The following RPGRIP1L variants were observed in gnomAD, a reference collection of about 807,000 sequenced individuals.
RPGRIP1L encodes the protein protein fantom.
A neutral mutation model predicts 160.4 loss-of-function variants in RPGRIP1L; 131 were observed. That is an observed-to-expected ratio of 0.82 (90% CI 0.71 to 0.94). RPGRIP1L has a LOEUF of 0.94. RPGRIP1L is among the 40% of genes least tolerant of loss of function. The pLI is 0.00. For synonymous variants in RPGRIP1L, 510 were observed against 515.8 expected (o/e 0.99, Z 0.15); for missense variants, 1,522 against 1,535.8 (o/e 0.99, Z 0.15).
chr16:53,605,955 G>A (rs1963656123), intron 25 of RPGRIP1L, among the ~76,000 whole-genome samples: 1 of 152,122 alleles, frequency 6.6e-6, no homozygotes, highest in South Asian at 2.1e-4. Context: ...AGGCTAAAAG[G>A]ATGAAGTGAA....
rs998210591 is a variant in RPGRIP1L, at chr16:53,601,848, T to C, written c.*228A>G. 1 of 516,678 alleles carries C rather than the reference T, an allele frequency of 1.9e-6. No individual in the cohort carries two copies. Among genetic ancestry groups the C allele is most frequent in the Admixed American group, 3.1e-5 (1 of 32,262 alleles). The allele number at this position is 516,678 out of a possible 1,614,324, so 32.0% of individuals were successfully genotyped here. On this transcript the variant is annotated 3_prime_UTR_variant, in exon 27 of 27. Coordinates refer to ENST00000647211, the MANE Select transcript of RPGRIP1L (RefSeq NM_015272.5). ...AAATTATTGAGAAGGTACTGCCCATTATGGAGAACTTAAGTCCTGAGGGGT... is the reference window on the plus strand; with the variant it reads ...AAATTATTGAGAAGGTACTGCCCATCATGGAGAACTTAAGTCCTGAGGGGT...
Position 53,692,259 on chromosome 16 carries a change from A to C in RPGRIP1L, c.336T>G (p.Ile112Met). 6.2e-7 allele frequency: 1 copy of C among 1,614,160 alleles called. No individual in the cohort carries two copies. Among genetic ancestry groups the C allele is most frequent in the Non-Finnish European group, 8.5e-7 (1 of 1,180,034 alleles). ...LGRDVEMEEM[I>M]EQLQEKVHEL... Reference sequence around the variant, plus strand: ...CATGAACTTTCTCTTGCAGCTGCTCAATCATTTCTTCCATTTCCACATCTC... The same window carrying C: ...CATGAACTTTCTCTTGCAGCTGCTCCATCATTTCTTCCATTTCCACATCTC... The change falls in exon 4 of 27, where the codon ATT (isoleucine) becomes ATG (methionine). Residue 112 changes from isoleucine to methionine, a missense_variant. Ile to Met is a conservative substitution (Grantham distance 10). Coordinates refer to ENST00000647211, the MANE Select transcript of RPGRIP1L (RefSeq NM_015272.5).
At chr16:53,602,349 G>T (rs1341308765) in intron 26 of RPGRIP1L, among the ~76,000 whole-genome samples, 161 bp from the exon 27 acceptor site, 1 of 152,210 alleles carries the variant, frequency 6.6e-6, no homozygotes, top group Non-Finnish European at 1.5e-5. Flanking sequence ...TGTCACGTGT[G>T]CATGGAGATG....
At position 53,648,985 on chromosome 16, in the gene RPGRIP1L, C is replaced by T. The variant is rs1333902224; in HGVS notation, c.2283G>A (p.Lys761=). The T allele has an allele frequency of 6.2e-7, 1 of 1,614,048 alleles. No homozygotes were observed. The highest frequency in any genetic ancestry group is 8.5e-7 in the Non-Finnish European group (1 of 1,179,950). The change falls in exon 16 of 27, where the codon AAG becomes AAA. Residue 761 remains lysine, a synonymous_variant. Coordinates refer to ENST00000647211, the MANE Select transcript of RPGRIP1L (RefSeq NM_015272.5). ...TTACCGACTGCATATGCTCTGGCCCCTTAAAATTTGATGTTATATACCCCA... is the reference window on the plus strand; with the variant it reads ...TTACCGACTGCATATGCTCTGGCCCTTTAAAATTTGATGTTATATACCCCA... ...KALGYITSNF[K]GPEHMQSLSQ...
intron 5 of RPGRIP1L, among the ~76,000 whole-genome samples, chr16:53,687,585 C>T (rs1970107079): frequency 6.6e-6 from 1 of 152,080 alleles, no homozygotes; most frequent in Non-Finnish European, 1.5e-5. Context: ...CTAAATCTTA[C>T]ACTATTCTAA....
intron 2 of RPGRIP1L, among the ~76,000 whole-genome samples, chr16:53,699,979 C>G (rs1392495086): frequency 6.6e-6 from 1 of 152,184 alleles, no homozygotes; most frequent in East Asian, 1.9e-4. Context: ...AATCCCTAGC[C>G]TTCTCAGGCT....
chr16:53,615,778 T>C (rs1038072368), intron 24 of RPGRIP1L, among the ~76,000 whole-genome samples: 9 of 152,056 alleles, frequency 5.9e-5, no homozygotes, highest in Non-Finnish European at 1.0e-4. Flanking sequence ...TTTGTATTTT[T>C]AGTAGAGGTG....
At chr16:53,652,243 T>C (rs1167654544) in intron 15 of RPGRIP1L, among the ~76,000 whole-genome samples, 1 of 152,136 alleles carries the variant, frequency 6.6e-6, no homozygotes, top group Non-Finnish European at 1.5e-5. Context: ...TGGCTAATTT[T>C]TGTATTTTTA....
intron 9 of RPGRIP1L, 143 bp from the exon 10 acceptor site, chr16:53,665,152 G>C (rs1968135494): frequency 9.5e-6 from 10 of 1,055,012 alleles, no homozygotes; most frequent in Non-Finnish European, 1.4e-5. Flanking sequence ...TGCTGCTGTT[G>C]AAACCAAGGC....
chr16:53,614,540 G>C (rs1964239651), intron 24 of RPGRIP1L, among the ~76,000 whole-genome samples: 1 of 152,122 alleles, frequency 6.6e-6, no homozygotes, highest in Admixed American at 6.5e-5. Flanking sequence ...TTTTTAAATG[G>C]GATCAGGAGC....
At chr16:53,700,785 G>T in intron 1 of RPGRIP1L, 55 bp from the exon 2 acceptor site, 1 of 1,350,042 alleles carries the variant, frequency 7.4e-7, no homozygotes, top group Non-Finnish European at 1.1e-6. Context: ...CATTAACTAT[G>T]CAATGGAATG....
chr16:53,619,351 T>C lies in RPGRIP1L; in HGVS notation c.3433-143A>G, dbSNP rs1964572214. The C allele has an allele frequency of 4.3e-6, 3 of 701,772 alleles. No individual in the cohort carries two copies. In the Admixed American group the frequency reaches 6.9e-5, roughly 16 times the overall value. The allele number at this position is 701,772 out of a possible 1,614,324, so 43.5% of individuals were successfully genotyped here. On this transcript the variant is annotated intron_variant, in intron 23 of 26. Transcript: ENST00000647211. ...CTTGAATGCAATGTACACTACTGTA[T>C]GTTACACATGATAGATTATTCATGA...
chr16:53,687,648 T>C (rs1197680182), intron 5 of RPGRIP1L, among the ~76,000 whole-genome samples: 1 of 152,166 alleles, frequency 6.6e-6, no homozygotes, highest in Admixed American at 6.5e-5. Context: ...TAAAGAAGAC[T>C]ATTACATAAA....
At chr16:53,697,084 C>CTAAG in intron 2 of RPGRIP1L, among the ~76,000 whole-genome samples, 1 of 151,960 alleles carries the variant, frequency 6.6e-6, no homozygotes, top group East Asian at 1.9e-4. Flanking sequence ...GTCCCAGCTA[C>CTAAG]TCAGGAGGCT....
In RPGRIP1L at chr16:53,660,738, C is replaced by A. The variant is rs183962878; in HGVS notation, c.1244-1860G>T. On this transcript the variant is annotated intron_variant, in intron 10 of 26. Coordinates refer to ENST00000647211, the MANE Select transcript of RPGRIP1L (RefSeq NM_015272.5). Reference sequence around the variant, plus strand: ...GTGAACCCCGTCTCTACTAAAAATACAAAAATTAGCTGGGCATGGTGGCAC... The same window carrying A: ...GTGAACCCCGTCTCTACTAAAAATAAAAAAATTAGCTGGGCATGGTGGCAC... Among the ~76,000 whole-genome samples, 106 of 150,956 alleles carry A rather than the reference C, an allele frequency of 7.0e-4. 2 individuals are homozygous for A. The East Asian group carries it at 0.019, about 27-fold the overall frequency.
chr16:53,623,225 G>A (rs551930066), intron 22 of RPGRIP1L, among the ~76,000 whole-genome samples: 9 of 152,248 alleles, frequency 5.9e-5, no homozygotes, highest in Admixed American at 1.3e-4. Flanking sequence ...GAACAAGGAG[G>A]GAGAAAATAG....
intron 6 of RPGRIP1L, among the ~76,000 whole-genome samples, chr16:53,678,976 A>G (rs1448942469): frequency 6.6e-6 from 1 of 152,208 alleles, no homozygotes; most frequent in Non-Finnish European, 1.5e-5. Flanking sequence ...CTGCTAGTAA[A>G]CTGAATAGAA....
chr16:53,614,925 T>C (rs890938721), intron 24 of RPGRIP1L, among the ~76,000 whole-genome samples: 5 of 152,240 alleles, frequency 3.3e-5, no homozygotes, highest in African/African-American at 1.2e-4. Flanking sequence ...CCTTTACTTC[T>C]GCAAGCTGGA....
intron 16 of RPGRIP1L, among the ~76,000 whole-genome samples, chr16:53,646,352 A>C (rs1567831483): frequency 6.6e-6 from 1 of 152,198 alleles, no homozygotes; most frequent in Non-Finnish European, 1.5e-5. Context: ...TGTCCTAACT[A>C]AAATACATTC....
Sources: allele counts gnomAD v4.1 joint callset (sites outside exome capture counted in the v4.1 genomes callset), GRCh38; gene constraint gnomAD v4.1.1; transcripts MANE v1.5; gene names NCBI Gene and HGNC (gene_info 2026-07-23, HGNC 2026-07-21).